Variants in IRAK3 observed in about 807,000 individuals in gnomAD.
IRAK3 encodes the protein interleukin-1 receptor-associated kinase 3.
A neutral mutation model predicts 56.6 loss-of-function variants in IRAK3; 57 were observed. The ratio of observed to expected loss-of-function variants is 1.01; its 90% confidence interval spans 0.81 to 1.26. The LOEUF (loss-of-function observed/expected upper bound fraction) is 1.26, where lower values mean the gene tolerates loss of function less well. Ranked by LOEUF, IRAK3 falls within the 50% of genes most tolerant of loss-of-function variation. The pLI is 0.00. For synonymous variants in IRAK3, 258 were observed against 255.7 expected (o/e 1.01, Z -0.09); for missense variants, 703 against 719.0 (o/e 0.98, Z 0.25).
At chr12:66,228,847 C>T (rs2052815618) in intron 8 of IRAK3, among the ~76,000 whole-genome samples, 1 of 152,156 alleles carries the variant, frequency 6.6e-6, no homozygotes, top group African/African-American at 2.4e-5. Flanking sequence ...TTTTACCCAA[C>T]TGTAGGCTAA....
chr12:66,219,319 G>A (rs890406135), intron 6 of IRAK3, among the ~76,000 whole-genome samples: 10 of 152,142 alleles, frequency 6.6e-5, no homozygotes, highest in African/African-American at 1.2e-4. Context: ...ATTGAATCAC[G>A]GGGGCAGTTT....
At chr12:66,204,102 T>C (rs1414376816) in intron 2 of IRAK3, among the ~76,000 whole-genome samples, 2 of 152,212 alleles carry the variant, frequency 1.3e-5, no homozygotes. Context: ...ACATATTTCT[T>C]TCTATCACTT....
At position 66,244,617 on chromosome 12, in the gene IRAK3, A is replaced by G; in HGVS notation, c.1019A>G (p.Tyr340Cys). 1 of 1,614,128 alleles carries G rather than the reference A, an allele frequency of 6.2e-7. No homozygotes were observed. ...MTSSSSKHLW[Y>C]MPEEYIRQGK... is the part of the protein sequence containing the mutation. ...AGCAGCAGCAGTAAACATCTGTGGT[A>G]CATGCCAGAAGAGTACATCAGACAG... The change falls in exon 9 of 12, where the codon TAC becomes TGC. Residue 340 changes from tyrosine to cysteine, a missense_variant. Coordinates refer to ENST00000261233, the MANE Select transcript of IRAK3 (RefSeq NM_007199.3).
chr12:66,200,722 T>C (rs1180874493), intron 1 of IRAK3, among the ~76,000 whole-genome samples: 1 of 152,168 alleles, frequency 6.6e-6, no homozygotes, highest in Non-Finnish European at 1.5e-5. Flanking sequence ...GCAGAAGATA[T>C]TTGCCTTTCT....
Position 66,248,291 on chromosome 12 carries a change from G to A in IRAK3, c.*120G>A. ...AGAGAATGATCAATAGTGAGTTTGG[G>A]TGATGCAGATAAACAATCTGGATAA... On this transcript the variant is annotated 3_prime_UTR_variant, in exon 12 of 12. Coordinates refer to ENST00000261233, the MANE Select transcript of IRAK3 (RefSeq NM_007199.3). 2 of 720,162 alleles carry A rather than the reference G, an allele frequency of 2.8e-6. No homozygotes were observed. Among genetic ancestry groups the A allele is most frequent in the Non-Finnish European group, 4.9e-6 (2 of 409,478 alleles). 44.6% of individuals were successfully genotyped at this position (720,162 alleles called of 1,614,324 possible).
chr12:66,247,915 C>G lies in IRAK3; in HGVS notation c.1535C>G (p.Ser512Cys). The G allele has an allele frequency of 6.2e-7, 1 of 1,614,182 alleles. No homozygotes were observed. Among genetic ancestry groups the G allele is most frequent in the Non-Finnish European group, 8.5e-7 (1 of 1,180,036 alleles). Residue 512 changes from serine (S) to cysteine (C), a missense_variant, in exon 12 of 12, where the codon TCT becomes TGT. Coordinates refer to ENST00000261233, the MANE Select transcript of IRAK3 (RefSeq NM_007199.3). ...TQKTPFECSQ[S>C]EVMFLSLDKK... ...AAAACTCCTTTTGAATGCAGCCAGT[C>G]TGAGGTTATGTTTCTGAGCTTGGAC...
chr12:66,240,980 T>G (rs2052963426), intron 8 of IRAK3, among the ~76,000 whole-genome samples: 1 of 152,126 alleles, frequency 6.6e-6, no homozygotes, highest in Non-Finnish European at 1.5e-5. Context: ...TCTTGTCTTA[T>G]GTTTAAGGTC....
intron 1 of IRAK3, among the ~76,000 whole-genome samples, chr12:66,201,355 TC>T (rs938256947): frequency 6.6e-6 from 1 of 151,880 alleles, no homozygotes; most frequent in Non-Finnish European, 1.5e-5. Flanking sequence ...GTGTCAGGGG[TC>T]CCCCGTGACC....
chr12:66,214,505 C>T (rs1046772353), intron 5 of IRAK3, among the ~76,000 whole-genome samples: 5 of 151,406 alleles, frequency 3.3e-5, no homozygotes, highest in African/African-American at 1.2e-4. Flanking sequence ...CACGCCACTG[C>T]ATTTCAGTGT....
intron 1 of IRAK3, chr12:66,197,091 T>C (rs1436902781): frequency 7.5e-7 from 1 of 1,329,392 alleles, no homozygotes; most frequent in Non-Finnish European, 9.6e-7. Flanking sequence ...CTTTTGAGCA[T>C]CTGATTTCTG....
chr12:66,233,587 G>T (rs1249997644), intron 8 of IRAK3, among the ~76,000 whole-genome samples: 1 of 151,090 alleles, frequency 6.6e-6, no homozygotes, highest in Non-Finnish European at 1.5e-5. Flanking sequence ...AGCAACACTC[G>T]CACTGCAAGC....
At chr12:66,197,802 G>C (rs4762088) in intron 1 of IRAK3, 272,973 of 984,898 alleles carry the variant, frequency 0.28, 38,559 homozygotes, top group Middle Eastern at 0.33. Context: ...CTGAATCTCA[G>C]AAATGTGCTT....
At position 66,249,378 on chromosome 12, in the gene IRAK3, G is replaced by A. The variant is rs2053072858; in HGVS notation, c.*1207G>A. On this transcript the variant is annotated 3_prime_UTR_variant, in exon 12 of 12. Transcript: ENST00000261233. ...GACGGGGTTTCACCATGTTAGGCAGGATGGTCTCGATCTCCTGACCTCATG... is the reference window on the plus strand; with the variant it reads ...GACGGGGTTTCACCATGTTAGGCAGAATGGTCTCGATCTCCTGACCTCATG... 2 of 152,210 alleles carry A rather than the reference G, an allele frequency of 1.3e-5. No individual in the cohort carries two copies. The highest frequency in any genetic ancestry group is 1.5e-5 in the Non-Finnish European group (1 of 68,080). The allele number at this position is 152,210 out of a possible 1,614,324, so 9.4% of individuals were successfully genotyped here.
chr12:66,190,266 A>T (rs541117977), intron 1 of IRAK3, among the ~76,000 whole-genome samples: 3 of 152,250 alleles, frequency 2.0e-5, no homozygotes, highest in Non-Finnish European at 4.4e-5. Context: ...CTAAGAGGAG[A>T]GTTTTCTTTG....
chr12:66,234,829 T>C (rs2052885694), intron 8 of IRAK3: 3 of 1,605,366 alleles, frequency 1.9e-6, no homozygotes, highest in African/African-American at 2.7e-5. Flanking sequence ...TTTCTAGTTC[T>C]TGCTTATCCA....
chr12:66,201,340 G>A (rs1402950803), intron 1 of IRAK3, among the ~76,000 whole-genome samples: 1 of 152,140 alleles, frequency 6.6e-6, no homozygotes, highest in Non-Finnish European at 1.5e-5. Context: ...GCCAGTTATG[G>A]TGGTGTGTCA....
At chr12:66,210,049 C>A (rs1348460026) in intron 3 of IRAK3, 98 bp from the exon 4 acceptor site, 12 of 782,600 alleles carry the variant, frequency 1.5e-5, no homozygotes, top group Non-Finnish European at 2.5e-5. Flanking sequence ...CACTCTGTTG[C>A]ACTGCATAGT....
chr12:66,223,983 T>G (rs988128628), intron 6 of IRAK3, among the ~76,000 whole-genome samples: 3 of 152,158 alleles, frequency 2.0e-5, no homozygotes, highest in Admixed American at 6.5e-5. Context: ...TTCTGTGAAC[T>G]ACAACAACAG....
intron 8 of IRAK3, chr12:66,235,320 G>GGCGCGGGCGCGT (rs1390466655): frequency 2.6e-6 from 3 of 1,163,572 alleles, no homozygotes; most frequent in Admixed American, 9.7e-5. Context: ...CGCGGGCGCG[G>GGCGCGGGCGCGT]GGCAGCCTGG....
Sources: allele counts gnomAD v4.1 joint callset (sites outside exome capture counted in the v4.1 genomes callset), GRCh38; gene constraint gnomAD v4.1.1; transcripts MANE v1.5; gene names NCBI Gene and HGNC (gene_info 2026-07-23, HGNC 2026-07-21).